The following PTCHD4 variants were observed in gnomAD, a reference collection of about 807,000 sequenced individuals.
PTCHD4 encodes the protein patched domain-containing protein 4.
PTCHD4 carries 33 observed loss-of-function variants against 58.1 expected under a neutral mutation model. The ratio of observed to expected loss-of-function variants is 0.57; its 90% confidence interval spans 0.43 to 0.76. The LOEUF (loss-of-function observed/expected upper bound fraction) is 0.76, where lower values mean the gene tolerates loss of function less well. PTCHD4 is among the 30% of genes least tolerant of loss of function. The probability of loss-of-function intolerance (pLI) is 0.00; values close to 1 mark genes in which losing one functional copy is unlikely to be tolerated. For missense variants in PTCHD4, 1,058 were observed against 1,027.1 expected, an observed-to-expected ratio of 1.03 and a Z score of -0.41; for synonymous variants, 478 against 409.6, an observed-to-expected ratio of 1.17 and a Z score of -2.02.
At chr6:47,942,650 C>A (rs1766277121) in intron 4 of PTCHD4, among the ~76,000 whole-genome samples, 1 of 152,136 alleles carries the variant, frequency 6.6e-6, no homozygotes, top group South Asian at 2.1e-4. Flanking sequence ...AAGCAAACAA[C>A]AACAACAACA....
intron 1 of PTCHD4, among the ~76,000 whole-genome samples, chr6:48,096,969 C>T (rs553175845): frequency 6.6e-6 from 1 of 152,078 alleles, no homozygotes; most frequent in African/African-American, 2.4e-5. Flanking sequence ...CAAAAATGAC[C>T]ATAATTTTAT....
intron 4 of PTCHD4, among the ~76,000 whole-genome samples, chr6:48,005,155 G>A (rs1035223510): frequency 6.6e-6 from 1 of 152,124 alleles, no homozygotes; most frequent in Non-Finnish European, 1.5e-5. Context: ...AATATTAAGT[G>A]GATGAATGAC....
chr6:47,968,771 A>G (rs115812843), intron 4 of PTCHD4, among the ~76,000 whole-genome samples: 2,927 of 152,276 alleles, frequency 0.019, 38 homozygotes, highest in Non-Finnish European at 0.029. Flanking sequence ...CTATAAATAC[A>G]AACAAGACTC....
chr6:47,879,638 G>T lies in PTCHD4; in HGVS notation c.1197C>A (p.His399Gln). The T allele has an allele frequency of 6.2e-7, 1 of 1,613,668 alleles. No homozygotes were observed. The highest frequency in any genetic ancestry group is 8.5e-7 in the Non-Finnish European group (1 of 1,179,744). The change falls in exon 5 of 5, where the codon CAC (histidine) becomes CAA (glutamine). Residue 399 changes from histidine to glutamine, a missense_variant. By Grantham distance (24) the His-to-Gln change is conservative. Coordinates refer to ENST00000339488, the MANE Select transcript of PTCHD4 (RefSeq NM_001384253.1). ...AAGGGATCTTACAGCAAAAGATGCT[G>T]TGGTAGCGGTTTTGCTCTAGTTGGC... ...FAGQLEQNRYHSIFCCKIPSA... is the reference protein window; with the variant it reads ...FAGQLEQNRYQSIFCCKIPSA...
chr6:48,025,297 G>T (rs1245554282), intron 3 of PTCHD4, among the ~76,000 whole-genome samples: 1 of 152,110 alleles, frequency 6.6e-6, no homozygotes, highest in African/African-American at 2.4e-5. Flanking sequence ...AGTGGGAAAT[G>T]CAAATACAAT....
At chr6:47,973,728 C>T (rs1356767325) in intron 4 of PTCHD4, among the ~76,000 whole-genome samples, 1 of 152,132 alleles carries the variant, frequency 6.6e-6, no homozygotes, top group Non-Finnish European at 1.5e-5. Context: ...AGTACTGTTG[C>T]CAACGATGAA....
chr6:47,899,601 C>G, intron 4 of PTCHD4: 1 of 980,350 alleles, frequency 1.0e-6, no homozygotes, highest in South Asian at 4.7e-5. Flanking sequence ...GGAAAGTGAA[C>G]CCCTTCCGTT....
intron 3 of PTCHD4, among the ~76,000 whole-genome samples, chr6:48,015,739 C>T (rs189124209): frequency 2.0e-5 from 3 of 152,054 alleles, no homozygotes; most frequent in Admixed American, 2.0e-4. Context: ...CATTTAATTG[C>T]TCCTTTTTGT....
chr6:48,068,408 A>C lies in PTCHD4; in HGVS notation c.239T>G (p.Ile80Ser), dbSNP rs1219945576. 1 of 1,613,752 alleles carries C rather than the reference A, an allele frequency of 6.2e-7. No homozygotes were observed. Among genetic ancestry groups the C allele is most frequent in the African/African-American group, 1.3e-5 (1 of 74,902 alleles). Reference protein sequence around the residue: ...LVAPSHSLAKIERSLASSLFP... With the variant: ...LVAPSHSLAKSERSLASSLFP... Reference sequence around the variant, plus strand: ...AAGGCTGCTGGCCAGGCTGCGCTCGATCTTGGCCAGGCTGTGGCTGGGAGC... The same window carrying C: ...AAGGCTGCTGGCCAGGCTGCGCTCGCTCTTGGCCAGGCTGTGGCTGGGAGC... The change falls in exon 3 of 5, where the codon ATC (isoleucine) becomes AGC (serine). Residue 80 changes from isoleucine (I) to serine (S), a missense_variant. Coordinates refer to ENST00000339488, the MANE Select transcript of PTCHD4 (RefSeq NM_001384253.1). This position sits in a 1 kb window ranked among gnomAD's most constrained non-coding sequence, Gnocchi z 4.2.
At chr6:47,973,290 C>A (rs1033957060) in intron 4 of PTCHD4, among the ~76,000 whole-genome samples, 2 of 152,174 alleles carry the variant, frequency 1.3e-5, no homozygotes, top group Admixed American at 1.3e-4. Flanking sequence ...AAATTTGGTT[C>A]ATACCTAAGA....
chr6:47,944,418 A>G (rs1424788630), intron 4 of PTCHD4, among the ~76,000 whole-genome samples: 1 of 152,154 alleles, frequency 6.6e-6, no homozygotes, highest in Non-Finnish European at 1.5e-5. Context: ...AATATGTTGT[A>G]AAAATTGCCC....
At chr6:48,027,691 T>C (rs2114125010) in intron 3 of PTCHD4, among the ~76,000 whole-genome samples, 1 of 152,252 alleles carries the variant, frequency 6.6e-6, no homozygotes, top group South Asian at 2.1e-4. Flanking sequence ...AAGATAAATA[T>C]ATTTGGGTCT....
At chr6:48,107,544 G>A (rs1338105123) in intron 1 of PTCHD4, among the ~76,000 whole-genome samples, 3 of 151,970 alleles carry the variant, frequency 2.0e-5, no homozygotes, top group African/African-American at 7.2e-5. Context: ...GCATGGGCAA[G>A]GACTTCATGT....
chr6:47,899,310 T>C (rs1348551695), intron 4 of PTCHD4, among the ~76,000 whole-genome samples: 2 of 152,238 alleles, frequency 1.3e-5, no homozygotes, highest in African/African-American at 4.8e-5. Context: ...TTCACTGTAC[T>C]ATAATTATCA....
chr6:48,022,304 G>T (rs534744125), intron 3 of PTCHD4, among the ~76,000 whole-genome samples: 1 of 151,640 alleles, frequency 6.6e-6, no homozygotes, highest in South Asian at 2.1e-4. Flanking sequence ...GCCACAGTGA[G>T]GGATAATTAT....
In PTCHD4 at chr6:47,958,878, G is replaced by A. The variant is rs138775507; in HGVS notation, c.898+49756C>T. Among the ~76,000 whole-genome samples, 10 of 152,228 alleles carry A rather than the reference G, an allele frequency of 6.6e-5. No homozygotes were observed. The East Asian group carries it at 1.2e-3, about 18-fold the overall frequency. ...ACAGAAGGGTCTTCCATCAGTAGTC[G>A]GGAATGATTAGCTCTAGATGAGCAT... On this transcript the variant is annotated intron_variant, in intron 4 of 4. Transcript: ENST00000339488.
chr6:48,096,652 T>G (rs1765476485), intron 1 of PTCHD4, among the ~76,000 whole-genome samples: 1 of 151,558 alleles, frequency 6.6e-6, no homozygotes, highest in African/African-American at 2.4e-5. Context: ...ATTGTGCCAT[T>G]GTGCTTGAAG....
chr6:47,899,455 G>A (rs1228013873), intron 4 of PTCHD4, among the ~76,000 whole-genome samples: 3 of 152,154 alleles, frequency 2.0e-5, no homozygotes, highest in Non-Finnish European at 4.4e-5. Context: ...GTGGAATGTT[G>A]TATAGCTGTT....
At position 47,941,882 on chromosome 6, in the gene PTCHD4, G is replaced by A. The variant is rs141580594; in HGVS notation, c.899-61946C>T. The stretch of plus-strand genomic sequence containing the variant: ...CACATTTTGATATTTCCTTAAAAGT[G>A]GTCTCTTTTTAAGAAAATCAGTGTC... On this transcript the variant is annotated intron_variant, in intron 4 of 4. Transcript: ENST00000339488. Among the ~76,000 whole-genome samples the A allele has an allele frequency of 3.0e-3, 459 of 152,118 alleles. 3 individuals carry two copies. The highest frequency in any genetic ancestry group is 0.01 in the African/African-American group (433 of 41,492).
Sources: gnomAD v4.1 joint callset for allele counts (sites outside exome capture counted in the v4.1 genomes callset) on GRCh38, gnomAD v4.1.1 for gene constraint, Gnocchi (gnomAD v3.1) non-coding constraint, MANE v1.5 for transcripts, NCBI Gene and HGNC (gene_info 2026-07-23, HGNC 2026-07-21) for gene names.